Variants in UGT2A1 observed in about 807,000 individuals in gnomAD.
UGT2A1 encodes the protein UDP glucuronosyltransferase family 2 member A1 complex locus.
In UGT2A1, 61 loss-of-function variants were observed where a neutral mutation model predicts 45.4. The ratio of observed to expected loss-of-function variants is 1.34; its 90% CI spans 1.09 to 1.66. UGT2A1 has a LOEUF of 1.66. Among genes scored for constraint, UGT2A1 ranks in the 40% most tolerant of loss-of-function variants. The pLI, the probability that UGT2A1 is intolerant of heterozygous loss-of-function variation, is 0.00. For synonymous variants in UGT2A1, 229 were observed against 196.2 expected, an observed-to-expected ratio of 1.17 and a Z score of -1.40; for missense variants, 649 against 574.3, an observed-to-expected ratio of 1.13 and a Z score of -1.33.
Position 69,647,594 on chromosome 4 carries a change from G to C in UGT2A1, c.51C>G (p.Thr17=). The C allele has an allele frequency of 4.4e-6, 7 of 1,607,958 alleles. No individual in the cohort carries two copies. The highest frequency in any genetic ancestry group is 5.9e-6 in the Non-Finnish European group (7 of 1,177,154). ...LFSLQISLIG[T]TLGGNVLIWP... ...AAATCAAAACATTCCCACCAAGAGT[G>C]GTTCCTATGAGACTTATCTGAAGGG... The change falls in exon 2 of 7, where the codon ACC becomes ACG. Residue 17 remains threonine, a synonymous_variant. Transcript: ENST00000286604.
intron 3 of UGT2A1, among the ~76,000 whole-genome samples, chr4:69,630,971 TTAA>T (rs1260180215): frequency 1.3e-5 from 2 of 152,164 alleles, no homozygotes; most frequent in Non-Finnish European, 2.9e-5. Context: ...TTAAATGTTA[TTAA>T]TAACTTGAAT....
chr4:69,603,315 C>T (rs1470992010), intron 3 of UGT2A1, among the ~76,000 whole-genome samples: 1 of 136,486 alleles, frequency 7.3e-6, no homozygotes, highest in Non-Finnish European at 1.6e-5. Flanking sequence ...AACAAAACCA[C>T]TTATGTAATG....
intron 6 of UGT2A1, among the ~76,000 whole-genome samples, chr4:69,592,060 T>A (rs1176346709): frequency 6.6e-6 from 1 of 152,126 alleles, no homozygotes; most frequent in Non-Finnish European, 1.5e-5. Flanking sequence ...CTAAACCAAC[T>A]GTTGAGTGTC....
chr4:69,607,739 C>G (rs1719742214), intron 3 of UGT2A1, among the ~76,000 whole-genome samples: 1 of 152,162 alleles, frequency 6.6e-6, no homozygotes, highest in Non-Finnish European at 1.5e-5. Context: ...AACAAACAAA[C>G]CCATCAACAA....
rs2109907225 is a variant in UGT2A1, at chr4:69,607,004, T to A, written c.848-7610A>T. ...AATGGCCATACTGCCCAAGGTCATT[T>A]ATAGATTCAATGCCATCCCCATCAA... On this transcript the variant is annotated intron_variant, in intron 3 of 6. Transcript: ENST00000286604. Among the ~76,000 whole-genome samples, 2 of 136,336 alleles carry A rather than the reference T, an allele frequency of 1.5e-5. 1 individual carries two copies. The highest frequency in any genetic ancestry group is 4.8e-4 in the South Asian group (2 of 4,142). 89.4% of individuals were successfully genotyped at this position (136,336 alleles called of 152,430 possible). A position where few individuals can be genotyped will look rare whatever the true frequency, so the allele number is the denominator to read the frequency against.
intron 3 of UGT2A1, among the ~76,000 whole-genome samples, chr4:69,615,882 A>G (rs2109926392): frequency 6.6e-6 from 1 of 152,140 alleles, no homozygotes; most frequent in Non-Finnish European, 1.5e-5. Context: ...TAAAACTACC[A>G]TATGATCCGA....
chr4:69,652,948 C>T (rs898923785), intron 1 of UGT2A1, among the ~76,000 whole-genome samples: 11 of 152,190 alleles, frequency 7.2e-5, no homozygotes, highest in Non-Finnish European at 1.5e-4. Context: ...AAACTCTCAA[C>T]TTACTGCTCT....
chr4:69,600,208 G>A (rs985862850), intron 3 of UGT2A1, among the ~76,000 whole-genome samples: 5 of 152,168 alleles, frequency 3.3e-5, no homozygotes, highest in African/African-American at 1.2e-4. Flanking sequence ...AGACCACGGG[G>A]AAATGCCTTA....
chr4:69,595,288 C>T, intron 4 of UGT2A1, 39 bp from the exon 5 acceptor site: 1 of 1,602,434 alleles, frequency 6.2e-7, no homozygotes, highest in South Asian at 1.1e-5. Flanking sequence ...AGGAAAAACA[C>T]AATGAGGACA....
intron 1 of UGT2A1, among the ~76,000 whole-genome samples, chr4:69,652,224 A>G (rs1298274755): frequency 6.6e-6 from 1 of 151,726 alleles, no homozygotes; most frequent in African/African-American, 2.4e-5. Flanking sequence ...TGGCATTCAC[A>G]TTAACACAAT....
intron 4 of UGT2A1, among the ~76,000 whole-genome samples, chr4:69,598,695 T>C (rs3822178): frequency 6.6e-6 from 1 of 151,924 alleles, no homozygotes; most frequent in African/African-American, 2.4e-5. Flanking sequence ...AACTCACCAT[T>C]GTCAACTCAA....
chr4:69,596,424 TAAG>T (rs768176506), intron 4 of UGT2A1: 5 of 1,431,770 alleles, frequency 3.5e-6, no homozygotes, highest in Non-Finnish European at 4.6e-6. Context: ...TGTAGCATCA[TAAG>T]AAAAAATAAG....
chr4:69,611,856 C>T (rs1440515336), intron 3 of UGT2A1, among the ~76,000 whole-genome samples: 1 of 151,920 alleles, frequency 6.6e-6, no homozygotes, highest in Admixed American at 6.6e-5. Flanking sequence ...AATGGATTGC[C>T]CTAGTTTCCC....
intron 2 of UGT2A1, among the ~76,000 whole-genome samples, chr4:69,643,173 C>G (rs565714461): frequency 6.6e-6 from 1 of 151,576 alleles, no homozygotes; most frequent in South Asian, 2.1e-4. Flanking sequence ...AGTAAATTAT[C>G]TGGTGATACA....
chr4:69,635,464 G>C (rs967860104), intron 3 of UGT2A1, among the ~76,000 whole-genome samples: 5 of 152,160 alleles, frequency 3.3e-5, no homozygotes, highest in African/African-American at 1.2e-4. Context: ...CTGCAGCAAA[G>C]GCTAGTCTCA....
intron 6 of UGT2A1, among the ~76,000 whole-genome samples, chr4:69,592,931 T>C (rs4148305): frequency 0.2 from 30,906 of 151,966 alleles, 3,214 homozygotes; most frequent in Middle Eastern, 0.31. Context: ...ACACCATAAC[T>C]GAGTTTCTGA....
chr4:69,634,299 AC>A (rs1721559136), intron 3 of UGT2A1, among the ~76,000 whole-genome samples: 1 of 151,896 alleles, frequency 6.6e-6, no homozygotes, highest in African/African-American at 2.4e-5. Context: ...AAAACCCACA[AC>A]ACTGATCACA....
Position 69,615,713 on chromosome 4 carries a change from A to AAAAC in UGT2A1, c.848-16323_848-16320dup, listed in dbSNP as rs910296174. Among the ~76,000 whole-genome samples, 52 of 152,054 alleles carry AAAAC rather than the reference A, an allele frequency of 3.4e-4. 1 individual carries two copies. Among genetic ancestry groups the AAAAC allele is most frequent in the African/African-American group, 1.2e-3 (51 of 41,510 alleles). On this transcript the variant is annotated intron_variant, in intron 3 of 6. Coordinates refer to ENST00000286604, the MANE Select transcript of UGT2A1 (RefSeq NM_001252275.3). ...CTTTTACCACCCTGACCCCGCCGCA[A>AAAAC]AAACAAACAAGCAAACAAACAGACA...
intron 2 of UGT2A1, among the ~76,000 whole-genome samples, chr4:69,640,304 G>A (rs1027098886): frequency 7.0e-4 from 4 of 5,740 alleles, no homozygotes; most frequent in Non-Finnish European, 1.0e-3. Context: ...TGAGAGGTGA[G>A]ACATTAATTT....
Sources: gnomAD v4.1 joint callset for allele counts (sites outside exome capture counted in the v4.1 genomes callset) on GRCh38, gnomAD v4.1.1 for gene constraint, MANE v1.5 for transcripts, NCBI Gene and HGNC (gene_info 2026-07-23, HGNC 2026-07-21) for gene names.